The following MAGI2 variants were observed in gnomAD, a reference collection of about 807,000 sequenced individuals.
The protein encoded by MAGI2 is membrane-associated guanylate kinase, WW and PDZ domain-containing protein 2.
A neutral mutation model predicts 133.3 loss-of-function variants in MAGI2; 35 were observed. The ratio of observed to expected loss-of-function variants is 0.26; its 90% CI spans 0.20 to 0.35. The LOEUF (loss-of-function observed/expected upper bound fraction) is 0.35. MAGI2 is among the 10% of genes least tolerant of loss of function. The pLI is 1.00. For synonymous variants in MAGI2, 729 were observed against 710.6 expected, an observed-to-expected ratio of 1.03 and a Z score of -0.41; for missense variants, 1,636 against 1,863.4, an observed-to-expected ratio of 0.88 and a Z score of 2.25.
intron 1 of MAGI2, among the ~76,000 whole-genome samples, chr7:79,046,659 T>C (rs940213817): frequency 6.6e-6 from 1 of 152,222 alleles, no homozygotes; most frequent in South Asian, 2.1e-4. Context: ...ATTAGTAAGA[T>C]GTAAAGTTGA....
At chr7:78,575,954 C>T (rs183082248) in intron 3 of MAGI2, among the ~76,000 whole-genome samples, 340 of 152,104 alleles carry the variant, frequency 2.2e-3, no homozygotes, top group Middle Eastern at 0.01. Context: ...TTATTAGTTA[C>T]GACAAACATA....
At chr7:79,323,130 C>T (rs1253297177) in intron 1 of MAGI2, among the ~76,000 whole-genome samples, 3 of 152,016 alleles carry the variant, frequency 2.0e-5, no homozygotes, top group Non-Finnish European at 4.4e-5. Context: ...GTGCCTGGCC[C>T]CAGTTAGCTT....
intron 6 of MAGI2, among the ~76,000 whole-genome samples, chr7:78,473,738 C>A (rs1357480866): frequency 6.6e-6 from 1 of 151,998 alleles, no homozygotes; most frequent in African/African-American, 2.4e-5. Flanking sequence ...TACAAGGATG[C>A]AGTGGTTTCC....
chr7:78,863,645 C>G (rs1794329925), intron 2 of MAGI2, among the ~76,000 whole-genome samples: 1 of 152,232 alleles, frequency 6.6e-6, no homozygotes, highest in Admixed American at 6.5e-5. Flanking sequence ...CAAACTATAG[C>G]ACCACTCTTT....
At chr7:78,391,806 G>C (rs893638691) in intron 6 of MAGI2, among the ~76,000 whole-genome samples, 9 of 152,052 alleles carry the variant, frequency 5.9e-5, no homozygotes, top group Non-Finnish European at 1.3e-4. Context: ...TTCACTATAG[G>C]TAATTTCTAG....
intron 3 of MAGI2, chr7:78,621,376 T>C (rs995934209): frequency 1.3e-5 from 2 of 152,004 alleles, no homozygotes; most frequent in Non-Finnish European, 2.9e-5. Context: ...TAATCAATAA[T>C]GGATTATTAA....
chr7:78,100,827 G>A (rs555319098), intron 20 of MAGI2, among the ~76,000 whole-genome samples: 1 of 152,216 alleles, frequency 6.6e-6, no homozygotes, highest in South Asian at 2.1e-4. Flanking sequence ...CAGAAAAGCT[G>A]TCAGAACTAA....
chr7:79,211,527 C>A lies in MAGI2; in HGVS notation c.302-204321G>T, dbSNP rs149324530. 5.7e-3 allele frequency among the ~76,000 whole-genome samples: 859 copies of A among 151,666 alleles called. 22 individuals are homozygous for A. Among genetic ancestry groups the A allele is most frequent in the African/African-American group, 0.02 (823 of 41,218 alleles). ...CAGGCTGGTCTTGAACTCCTGGGCT[C>A]AAGCAATCCTCTCACCTTGGCCTCC... is the stretch of plus-strand genomic sequence containing the variant. On this transcript the variant is annotated intron_variant, in intron 1 of 21. Coordinates refer to ENST00000354212, the MANE Select transcript of MAGI2 (RefSeq NM_012301.4).
intron 1 of MAGI2, among the ~76,000 whole-genome samples, chr7:79,380,156 T>C (rs1265177424): frequency 6.6e-6 from 1 of 151,840 alleles, no homozygotes; most frequent in Non-Finnish European, 1.5e-5. Flanking sequence ...TGGGATCTAA[T>C]TAAACTAAAG....
At chr7:79,173,165 CA>C (rs2129549081) in intron 1 of MAGI2, among the ~76,000 whole-genome samples, 1 of 151,658 alleles carries the variant, frequency 6.6e-6, no homozygotes, top group African/African-American at 2.4e-5. Context: ...TTCATAATAG[CA>C]ACAAAAAGGT....
intron 1 of MAGI2, among the ~76,000 whole-genome samples, chr7:79,333,942 G>C (rs1406963548): frequency 6.6e-6 from 1 of 152,162 alleles, no homozygotes; most frequent in Non-Finnish European, 1.5e-5. Flanking sequence ...ACTTTCCCTT[G>C]ATGAAAGAAC....
rs564828063 is a variant in MAGI2 at position 78,887,806 on chromosome 7, C to T, written c.418+119284G>A. On this transcript the variant is annotated intron_variant, in intron 2 of 21. Coordinates refer to ENST00000354212, the MANE Select transcript of MAGI2 (RefSeq NM_012301.4). ...AGTCTACAGCTCCCAGCTTGAGCAA[C>T]GCAGAAGATGGGTGATTTCTGCATT... Among the ~76,000 whole-genome samples the T allele has an allele frequency of 8.6e-4, 131 of 152,300 alleles. 1 individual carries two copies. The highest frequency in any genetic ancestry group is 2.5e-3 in the African/African-American group (103 of 41,574).
intron 1 of MAGI2, among the ~76,000 whole-genome samples, chr7:79,255,291 G>A (rs1027557707): frequency 2.0e-5 from 3 of 152,042 alleles, no homozygotes; most frequent in African/African-American, 7.2e-5. Context: ...TTTTCAAACC[G>A]ATGCCCAATT....
In MAGI2 at chr7:79,443,072, G is replaced by A. The variant is rs1001280242; in HGVS notation, c.301+9948C>T. Reference sequence around the variant, plus strand: ...AGATCACTTGAGGTCAGGAGTTCAAGACCAGCCTGGCCAACATGGTAAAAC... The same window carrying A: ...AGATCACTTGAGGTCAGGAGTTCAAAACCAGCCTGGCCAACATGGTAAAAC... On this transcript the variant is annotated intron_variant, in intron 1 of 21. Transcript: ENST00000354212. Among the ~76,000 whole-genome samples, 11 of 152,212 alleles carry A rather than the reference G, an allele frequency of 7.2e-5. 1 individual carries two copies. The South Asian group carries it at 1.7e-3, about 23-fold the overall frequency.
intron 1 of MAGI2, among the ~76,000 whole-genome samples, chr7:79,294,555 T>C (rs935988579): frequency 6.6e-6 from 1 of 152,044 alleles, no homozygotes; most frequent in Admixed American, 6.6e-5. Context: ...TCCTTTTTAC[T>C]TGGCTGTCTC....
Position 79,183,782 on chromosome 7 carries a change from C to T in MAGI2, c.302-176576G>A, listed in dbSNP as rs368219753. The stretch of plus-strand genomic sequence containing the variant: ...TAGATAAAGAAAATGTGAATATATA[C>T]GCAAGGAAATAGTATTCAGCCTTTA... On this transcript the variant is annotated intron_variant, in intron 1 of 21. Transcript: ENST00000354212. 4.3e-4 allele frequency among the ~76,000 whole-genome samples: 65 copies of T among 151,870 alleles called. 2 individuals are homozygous for T. In the Middle Eastern group the frequency reaches 0.024, roughly 56 times the overall value.
intron 2 of MAGI2, among the ~76,000 whole-genome samples, chr7:79,000,794 T>G (rs1806778107): frequency 6.6e-6 from 1 of 152,240 alleles, no homozygotes; most frequent in African/African-American, 2.4e-5. Flanking sequence ...TTTACTAACT[T>G]AAAGGGCTTA....
chr7:79,389,618 A>C (rs553362762), intron 1 of MAGI2, among the ~76,000 whole-genome samples: 4 of 152,248 alleles, frequency 2.6e-5, no homozygotes, highest in Admixed American at 2.6e-4. Context: ...TTTTGAGAAA[A>C]ATTATAAAAG....
At chr7:79,293,500 T>G (rs1415631392) in intron 1 of MAGI2, among the ~76,000 whole-genome samples, 3 of 152,252 alleles carry the variant, frequency 2.0e-5, no homozygotes, top group Non-Finnish European at 4.4e-5. Context: ...AATAATTATT[T>G]TCTACATAGT....
Sources: gnomAD v4.1 joint callset for allele counts (sites outside exome capture counted in the v4.1 genomes callset) on GRCh38, gnomAD v4.1.1 for gene constraint, MANE v1.5 for transcripts, NCBI Gene and HGNC (gene_info 2026-07-23, HGNC 2026-07-21) for gene names.